RRP1B: variants seen among roughly 807,000 people sequenced by gnomAD.
RRP1B encodes ribosomal RNA processing protein 1 homolog B.
In RRP1B, 56 loss-of-function variants were observed where a neutral mutation model predicts 80.2. The ratio of observed to expected loss-of-function variants is 0.70; its 90% CI spans 0.56 to 0.87. The LOEUF is 0.87. RRP1B is among the 40% of genes least tolerant of loss of function. RRP1B has a pLI of 0.00. For missense variants in RRP1B, 807 were observed against 939.8 expected, an observed-to-expected ratio of 0.86 and a Z score of 1.85; for synonymous variants, 351 against 357.6, an observed-to-expected ratio of 0.98 and a Z score of 0.21.
Position 43,691,630 on chromosome 21 carries a change from TATTTTTA to T in RRP1B, c.2083+129_2083+135del. 1 of 639,148 alleles carries T rather than the reference TATTTTTA, an allele frequency of 1.6e-6. No individual in the cohort carries two copies. The highest frequency in any genetic ancestry group is 2.8e-5 in the East Asian group (1 of 35,146). 39.6% of individuals were successfully genotyped at this position (639,148 alleles called of 1,614,324 possible). A position where few individuals can be genotyped will look rare whatever the true frequency, so the allele number is the denominator to read the frequency against. On this transcript the variant is annotated intron_variant, in intron 15 of 15. Coordinates refer to ENST00000340648, the MANE Select transcript of RRP1B (RefSeq NM_015056.3). The surrounding 1 kb of genome is among the most constrained non-coding windows in gnomAD (Gnocchi z 4.2). ...CCTAGCTCCTCACTGCCCATTTCTTTATTTTTATTTTTTTTTTTTTTTTGAGACAGAG... is the reference window on the plus strand; with the variant it reads ...CCTAGCTCCTCACTGCCCATTTCTTTTTTTTTTTTTTTTTTTGAGACAGAG...
rs1487399355 is a variant in RRP1B, at chr21:43,659,953, T to C, written c.130+159T>C. 6.6e-6 allele frequency among the ~76,000 whole-genome samples: 1 copy of C among 152,220 alleles called. No homozygotes were observed. The highest frequency in any genetic ancestry group is 2.4e-5 in the African/African-American group (1 of 41,474). On this transcript the variant is annotated intron_variant, in intron 1 of 15. Transcript: ENST00000340648. The surrounding 1 kb of genome is among the most constrained non-coding windows in gnomAD (Gnocchi z 4.2). ...GCTGCCGGAACCGCTTCTTGCTGTG[T>C]CTAGTGCCTTTTTACACTTAAGGAA...
rs571614577 is a variant in RRP1B, at chr21:43,693,651, T to A, written c.*268T>A. 1.9e-5 allele frequency: 7 copies of A among 376,256 alleles called. No homozygotes were observed. Among genetic ancestry groups the A allele is most frequent in the Non-Finnish European group, 2.8e-5 (6 of 212,666 alleles). The allele number at this position is 376,256 out of a possible 1,614,324, so 23.3% of individuals were successfully genotyped here. On this transcript the variant is annotated 3_prime_UTR_variant, in exon 16 of 16. Transcript: ENST00000340648. This position sits in a 1 kb window ranked among gnomAD's most constrained non-coding sequence, Gnocchi z 4.1. ...GTAACCTCAGTGATTCCCATTGGTGTAGGAAATGAGACCCTCTCTGAAGCT... is the reference window on the plus strand; with the variant it reads ...GTAACCTCAGTGATTCCCATTGGTGAAGGAAATGAGACCCTCTCTGAAGCT...
In RRP1B at chr21:43,688,009, G is replaced by A. The variant is rs557314295; in HGVS notation, c.1635G>A (p.Leu545=). ...SGLSTPAWPP[L]QQEGPPTGPA... ...TGTCCACGCCGGCCTGGCCTCCATT[G>A]CAGCAGGAAGGCCCTCCCACAGGCC... Residue 545 remains leucine (L), a synonymous_variant, in exon 13 of 16, where the codon TTG becomes TTA. Transcript: ENST00000340648. 8.6e-5 allele frequency: 138 copies of A among 1,612,436 alleles called. 1 individual carries two copies. The South Asian group carries it at 1.5e-3, about 18-fold the overall frequency.
At chr21:43,681,261 C>CAGATAGAT (rs372143608) in intron 8 of RRP1B, among the ~76,000 whole-genome samples, 4,120 of 149,730 alleles carry the variant, frequency 0.028, 64 homozygotes, top group East Asian at 0.057. Flanking sequence ...AATAAATAAA[C>CAGATAGAT]AGATAGATAG....
chr21:43,688,231 C>A lies in RRP1B; in HGVS notation c.1857C>A (p.Pro619=). 1 of 1,551,228 alleles carries A rather than the reference C, an allele frequency of 6.4e-7. No homozygotes were observed. The highest frequency in any genetic ancestry group is 2.3e-5 in the East Asian group (1 of 42,592). Residue 619 remains proline, a synonymous_variant, in exon 13 of 16, where the codon CCC becomes CCA. Transcript: ENST00000340648. ...NGVLESEAGQ[P]QALGSSGTCS... The stretch of plus-strand genomic sequence containing the variant: ...TGCTGGAGTCCGAAGCTGGGCAACC[C>A]CAGGCTCTGGTAAGGTGGGAGCACC...
chr21:43,690,184 G>T, intron 13 of RRP1B, 104 bp from the exon 14 acceptor site: 9 of 1,374,224 alleles, frequency 6.5e-6, no homozygotes, highest in Non-Finnish European at 7.9e-6. Flanking sequence ...CGTCGGGTGG[G>T]CTGGATCTGC....
intron 2 of RRP1B, among the ~76,000 whole-genome samples, chr21:43,670,771 G>C (rs1326818404): frequency 2.6e-5 from 4 of 152,142 alleles, no homozygotes; most frequent in Non-Finnish European, 5.9e-5. Context: ...GAAGGCAAAA[G>C]ACTGGACACC....
chr21:43,664,420 T>C (rs1455689010), intron 1 of RRP1B, among the ~76,000 whole-genome samples: 2 of 152,206 alleles, frequency 1.3e-5, no homozygotes, highest in Non-Finnish European at 2.9e-5. Flanking sequence ...TTGTAATCTC[T>C]CACCAACTCA....
rs755868292 is a variant in RRP1B at position 43,675,157 on chromosome 21, G to A, written c.543G>A (p.Gly181=). 3 of 1,613,798 alleles carry A rather than the reference G, an allele frequency of 1.9e-6. No homozygotes were observed. The highest frequency in any genetic ancestry group is 1.7e-5 in the Admixed American group (1 of 59,988). ...IYLDELSKVG[G]KELLADQNLK... is the part of the protein sequence containing the mutation. ...TGGATGAACTCTCCAAAGTCGGGGG[G>A]AAGGAGGTAAGCAGCTGCCGACAGG... Residue 181 remains glycine, a synonymous_variant, in exon 6 of 16, where the codon GGG becomes GGA. Transcript: ENST00000340648.
In RRP1B at chr21:43,670,427, A is replaced by G. The variant is rs562589639; in HGVS notation, c.213+461A>G. On this transcript the variant is annotated intron_variant, in intron 2 of 15. Transcript: ENST00000340648. ...CTGTTAAAGCCGAGTGCGCCTGCGCAGTCACCCAAACGCGCAGCAGGCTCG... is the reference window on the plus strand; with the variant it reads ...CTGTTAAAGCCGAGTGCGCCTGCGCGGTCACCCAAACGCGCAGCAGGCTCG... Among the ~76,000 whole-genome samples the G allele has an allele frequency of 6.6e-5, 10 of 152,382 alleles. No individual in the cohort carries two copies. In the South Asian group the frequency reaches 2.1e-3, roughly 32 times the overall value.
In RRP1B at chr21:43,696,029, A is replaced by C. The variant is rs1363532220; in HGVS notation, c.*2646A>C. 6.6e-6 allele frequency: 1 copy of C among 152,152 alleles called. No homozygotes were observed. The highest frequency in any genetic ancestry group is 1.5e-5 in the Non-Finnish European group (1 of 68,022). The allele number at this position is 152,152 out of a possible 1,614,324, so 9.4% of individuals were successfully genotyped here. On this transcript the variant is annotated 3_prime_UTR_variant, in exon 16 of 16. Coordinates refer to ENST00000340648, the MANE Select transcript of RRP1B (RefSeq NM_015056.3). ...TGTACTAGTGTCTGCAGGGTTTGTCAGTACTCGTCAAAGCCAAGTCCAATT... is the reference window on the plus strand; with the variant it reads ...TGTACTAGTGTCTGCAGGGTTTGTCCGTACTCGTCAAAGCCAAGTCCAATT...
intron 1 of RRP1B, among the ~76,000 whole-genome samples, chr21:43,662,496 C>T (rs1217599785): frequency 6.6e-6 from 1 of 152,258 alleles, no homozygotes; most frequent in East Asian, 1.9e-4. Flanking sequence ...CTCCCGATGA[C>T]AGGCTCCAAC....
intron 8 of RRP1B, among the ~76,000 whole-genome samples, chr21:43,681,277 T>C (rs1347990035): frequency 7.5e-6 from 1 of 133,296 alleles, no homozygotes; most frequent in East Asian, 1.9e-4. Flanking sequence ...GATAGATAGA[T>C]AGATAGATAG....
chr21:43,676,522 C>A (rs2147168166), intron 7 of RRP1B, among the ~76,000 whole-genome samples, 186 bp downstream of exon 7: 1 of 152,362 alleles, frequency 6.6e-6, no homozygotes, highest in East Asian at 1.9e-4. Flanking sequence ...TCACTCATTC[C>A]AGGAATGCCC....
At chr21:43,692,844 T>A (rs994054512) in intron 15 of RRP1B, among the ~76,000 whole-genome samples, 20 of 152,226 alleles carry the variant, frequency 1.3e-4, no homozygotes, top group Non-Finnish European at 2.2e-4. Context: ...CAGCTCCACA[T>A]AGCACAGATT....
chr21:43,659,854 TAGGGCC>T lies in RRP1B; in HGVS notation c.130+67_130+72del, dbSNP rs2082941657. Reference sequence around the variant, plus strand: ...GCGGGCCGGGGGCCGGGGCTGGGGCTAGGGCCAGGGCCCCGGCACGGAATGCGGCTT... The same window carrying T: ...GCGGGCCGGGGGCCGGGGCTGGGGCTAGGGCCCCGGCACGGAATGCGGCTT... On this transcript the variant is annotated intron_variant, in intron 1 of 15. Coordinates refer to ENST00000340648, the MANE Select transcript of RRP1B (RefSeq NM_015056.3). This position sits in a 1 kb window ranked among gnomAD's most constrained non-coding sequence, Gnocchi z 4.2. 7.0e-7 allele frequency: 1 copy of T among 1,435,092 alleles called. No homozygotes were observed. Among genetic ancestry groups the T allele is most frequent in the Non-Finnish European group, 9.2e-7 (1 of 1,087,192 alleles). The allele number at this position is 1,435,092 out of a possible 1,614,324, so 88.9% of individuals were successfully genotyped here.
At chr21:43,669,788 AAG>A (rs2082992194) in intron 1 of RRP1B, 94 bp from the exon 2 acceptor site, 13 of 810,344 alleles carry the variant, frequency 1.6e-5, no homozygotes, top group East Asian at 2.6e-5. Context: ...GTGCAAACGA[AAG>A]AGAATTAAAA....
intron 1 of RRP1B, among the ~76,000 whole-genome samples, chr21:43,667,621 G>A (rs1266293102): frequency 1.3e-5 from 2 of 152,036 alleles, no homozygotes; most frequent in South Asian, 2.1e-4. Context: ...AATTCACTGG[G>A]GATATATGTG....
chr21:43,689,114 T>C (rs1053664545), intron 13 of RRP1B, among the ~76,000 whole-genome samples: 2 of 152,236 alleles, frequency 1.3e-5, no homozygotes, highest in African/African-American at 4.8e-5. Flanking sequence ...GCCCTGGGCT[T>C]CCAGGCCAGG....
Sources: allele counts gnomAD v4.1 joint callset (sites outside exome capture counted in the v4.1 genomes callset), GRCh38; gene constraint gnomAD v4.1.1; non-coding constraint Gnocchi (gnomAD v3.1); transcripts MANE v1.5; gene names NCBI Gene and HGNC (gene_info 2026-07-23, HGNC 2026-07-21).